The following AGBL1 variants were observed in gnomAD, a reference collection of about 807,000 sequenced individuals.
The protein encoded by AGBL1 is cytosolic carboxypeptidase 4.
AGBL1 carries 130 observed loss-of-function variants against 118.9 expected under a neutral mutation model. The observed-to-expected ratio is 1.09, with a 90% CI of 0.95 to 1.26. The LOEUF (loss-of-function observed/expected upper bound fraction) is 1.26. AGBL1 is among the 50% of genes most tolerant of loss of function. The pLI is 0.00. For synonymous variants in AGBL1, 555 were observed against 478.9 expected (o/e 1.16, Z -2.08); for missense variants, 1,584 against 1,298.1 (o/e 1.22, Z -3.38).
At chr15:86,711,382 GCCTCATGTAT>G (rs1436870162) in intron 22 of AGBL1, among the ~76,000 whole-genome samples, 4 of 152,306 alleles carry the variant, frequency 2.6e-5, no homozygotes, top group Admixed American at 2.6e-4. Flanking sequence ...ATGGCAAGAA[GCCTCATGTAT>G]CCACCTTGTC....
At chr15:86,486,629 G>A (rs541724911) in intron 18 of AGBL1, among the ~76,000 whole-genome samples, 1 of 152,068 alleles carries the variant, frequency 6.6e-6, no homozygotes, top group African/African-American at 2.4e-5. Context: ...AAGAACTTGA[G>A]AATTGTGATG....
chr15:86,609,754 A>C (rs1391345515), intron 21 of AGBL1, among the ~76,000 whole-genome samples: 1 of 152,156 alleles, frequency 6.6e-6, no homozygotes, highest in African/African-American at 2.4e-5. Context: ...GTTAGGGGGG[A>C]AAAAGATTTG....
intron 22 of AGBL1, among the ~76,000 whole-genome samples, chr15:86,708,265 G>T (rs1258538990): frequency 6.6e-6 from 1 of 152,026 alleles, no homozygotes; most frequent in African/African-American, 2.4e-5. Flanking sequence ...GATTAAATGA[G>T]ATCATAAGGG....
chr15:86,607,222 A>G (rs2084590109), intron 21 of AGBL1, among the ~76,000 whole-genome samples: 1 of 152,154 alleles, frequency 6.6e-6, no homozygotes, highest in Non-Finnish European at 1.5e-5. Context: ...AGTGAAGGAC[A>G]CTTTGATTGC....
At chr15:86,417,165 G>A (rs149773678) in intron 18 of AGBL1, among the ~76,000 whole-genome samples, 1 of 152,310 alleles carries the variant, frequency 6.6e-6, no homozygotes, top group Non-Finnish European at 1.5e-5. Flanking sequence ...TTCCTCTCAT[G>A]TGAACTTATT....
chr15:86,361,574 G>A (rs1355302918), intron 17 of AGBL1, among the ~76,000 whole-genome samples: 2 of 151,952 alleles, frequency 1.3e-5, no homozygotes, highest in Non-Finnish European at 2.9e-5. Flanking sequence ...TTGTGTTGAT[G>A]TCTATTTTCT....
At chr15:86,691,017 A>G (rs1220250258) in intron 22 of AGBL1, among the ~76,000 whole-genome samples, 2 of 152,154 alleles carry the variant, frequency 1.3e-5, no homozygotes, top group African/African-American at 4.8e-5. Context: ...TAAGAGGAAC[A>G]AAAGATATTA....
chr15:86,815,024 GT>G (rs1055398894), intron 22 of AGBL1, among the ~76,000 whole-genome samples: 2 of 150,784 alleles, frequency 1.3e-5, no homozygotes, highest in African/African-American at 2.4e-5. Context: ...TAACTGTTTT[GT>G]TTTTTTTTAA....
At chr15:86,236,766 C>G (rs967461114) in intron 6 of AGBL1, among the ~76,000 whole-genome samples, 1 of 151,836 alleles carries the variant, frequency 6.6e-6, no homozygotes, top group African/African-American at 2.4e-5. Flanking sequence ...CAGAAATCAG[C>G]TGGAGGCTGG....
chr15:86,229,958 A>C (rs907446516), intron 6 of AGBL1, among the ~76,000 whole-genome samples: 6 of 152,232 alleles, frequency 3.9e-5, no homozygotes, highest in Non-Finnish European at 8.8e-5. Context: ...TTAGCATTTA[A>C]AGGAGTCTGG....
intron 23 of AGBL1, among the ~76,000 whole-genome samples, chr15:86,925,713 T>C (rs2080529679): frequency 6.9e-6 from 1 of 145,770 alleles, no homozygotes; most frequent in South Asian, 2.2e-4. Flanking sequence ...CTTTTTCTTT[T>C]TCTTTTCTTT....
chr15:86,327,862 A>T (rs1400255820), intron 17 of AGBL1, among the ~76,000 whole-genome samples: 1 of 152,212 alleles, frequency 6.6e-6, no homozygotes, highest in Non-Finnish European at 1.5e-5. Context: ...GAGGAGGCTC[A>T]GCAATTGCCA....
intron 22 of AGBL1, among the ~76,000 whole-genome samples, chr15:86,729,602 A>G (rs1311267866): frequency 6.6e-6 from 1 of 152,210 alleles, no homozygotes; most frequent in Non-Finnish European, 1.5e-5. Context: ...TGCAGTGGAC[A>G]TGACTTTGTT....
Position 86,704,932 on chromosome 15 carries a change from CCATGGAATACTATG to C in AGBL1, c.3158+30499_3158+30512del, listed in dbSNP as rs368674244. Among the ~76,000 whole-genome samples the C allele has an allele frequency of 5.3e-3, 809 of 152,284 alleles. 10 individuals carry two copies. The highest frequency in any genetic ancestry group is 0.018 in the African/African-American group (763 of 41,552). ...ATAAAGAAAATGTGGCACATATACA[CCATGGAATACTATG>C]CAGCCATAAAAAGGAATGAGTTCAT... On this transcript the variant is annotated intron_variant, in intron 22 of 22. Transcript: ENST00000614907.
rs145208804 is a variant in AGBL1 at position 86,360,029 on chromosome 15, T to C, written c.2375-37337T>C. On this transcript the variant is annotated intron_variant, in intron 17 of 22. Coordinates refer to ENST00000614907, the MANE Select transcript of AGBL1 (RefSeq NM_001386094.1). ...TTCTGATTTGGATGTGATTTATTTA[T>C]TTATTTTTCTTGTCTTATTTGCTGT... is the stretch of plus-strand genomic sequence containing the variant. Among the ~76,000 whole-genome samples, 873 of 152,152 alleles carry C rather than the reference T, an allele frequency of 5.7e-3. 6 individuals are homozygous for C. The highest frequency in any genetic ancestry group is 0.01 in the Admixed American group (154 of 15,288).
chr15:86,725,761 A>G (rs1275893446), intron 22 of AGBL1, among the ~76,000 whole-genome samples: 1 of 152,212 alleles, frequency 6.6e-6, no homozygotes, highest in Non-Finnish European at 1.5e-5. Flanking sequence ...ACTGGTAGGT[A>G]TGCATTATAT....
intron 22 of AGBL1, among the ~76,000 whole-genome samples, chr15:86,870,454 CAAAAAAA>C (rs770556494): frequency 7.8e-5 from 5 of 64,130 alleles, no homozygotes; most frequent in African/African-American, 1.5e-4. Flanking sequence ...AAGCATACTG[CAAAAAAA>C]AAAAAAAAAA....
intron 6 of AGBL1, among the ~76,000 whole-genome samples, chr15:86,239,546 G>GA (rs759752362): frequency 4.2e-4 from 62 of 149,184 alleles, no homozygotes; most frequent in Non-Finnish European, 7.7e-4. Context: ...ACCTGGGCCT[G>GA]ACATTGCTGG....
chr15:86,138,259 AT>A (rs1399978292), intron 1 of AGBL1: 1 of 152,248 alleles, frequency 6.6e-6, no homozygotes, highest in African/African-American at 2.4e-5. Flanking sequence ...CAGTGGGAAC[AT>A]TCTTTTCTCC....
Sources: gnomAD v4.1 joint callset for allele counts (sites outside exome capture counted in the v4.1 genomes callset) on GRCh38, gnomAD v4.1.1 for gene constraint, MANE v1.5 for transcripts, NCBI Gene and HGNC (gene_info 2026-07-23, HGNC 2026-07-21) for gene names.